Variants in MCC observed in about 807,000 individuals in gnomAD.
MCC encodes colorectal mutant cancer protein.
A neutral mutation model predicts 116.2 loss-of-function variants in MCC; 90 were observed. The observed-to-expected ratio is 0.77, with a 90% CI of 0.65 to 0.92. The LOEUF (loss-of-function observed/expected upper bound fraction) is 0.92, where lower values mean the gene tolerates loss of function less well. MCC is among the 40% of genes least tolerant of loss of function. The pLI, the probability that MCC is intolerant of heterozygous loss-of-function variation, is 0.00. For missense variants in MCC, 1,516 were observed against 1,312.2 expected, an observed-to-expected ratio of 1.16 and a Z score of -2.40; for synonymous variants, 578 against 510.5, an observed-to-expected ratio of 1.13 and a Z score of -1.78.
At chr5:113,237,561 T>A (rs1764179612) in intron 3 of MCC, among the ~76,000 whole-genome samples, 1 of 152,174 alleles carries the variant, frequency 6.6e-6, no homozygotes, top group Non-Finnish European at 1.5e-5. Context: ...CAAGAAGGGT[T>A]ACTTGCATTA....
At position 113,229,889 on chromosome 5, in the gene MCC, G is replaced by A. The variant is rs1331490366; in HGVS notation, c.628-78467C>T. 2.0e-5 allele frequency among the ~76,000 whole-genome samples: 3 copies of A among 152,202 alleles called. No individual in the cohort carries two copies. The South Asian group carries it at 6.2e-4, about 32-fold the overall frequency. ...AGTAGACTGTGCCGTCTAAATTTGT[G>A]TAAGGACACTATGAAGTTTGAACAA... On this transcript the variant is annotated intron_variant, in intron 3 of 18. Coordinates refer to ENST00000408903, the MANE Select transcript of MCC (RefSeq NM_001085377.2).
intron 8 of MCC, among the ~76,000 whole-genome samples, chr5:113,086,091 G>A (rs775143487): frequency 6.6e-6 from 1 of 152,170 alleles, no homozygotes; most frequent in Non-Finnish European, 1.5e-5. Context: ...ACCTCTCATG[G>A]AATCATCATT....
intron 17 of MCC, among the ~76,000 whole-genome samples, chr5:113,039,772 C>T (rs908972476): frequency 6.6e-6 from 1 of 151,178 alleles, no homozygotes; most frequent in Non-Finnish European, 1.5e-5. Flanking sequence ...CGGCTGCCTC[C>T]CAAGAATATG....
At chr5:113,473,912 C>T (rs1208093051) in intron 1 of MCC, among the ~76,000 whole-genome samples, 1 of 152,010 alleles carries the variant, frequency 6.6e-6, no homozygotes, top group African/African-American at 2.4e-5. Flanking sequence ...GTATTTCAGG[C>T]CTGAAAAGCT....
chr5:113,067,483 C>T (rs929126041), intron 13 of MCC, among the ~76,000 whole-genome samples: 1 of 152,114 alleles, frequency 6.6e-6, no homozygotes, highest in African/African-American at 2.4e-5. Context: ...ACTAAAAATA[C>T]AAAATTAGCC....
At chr5:113,402,166 C>T (rs1338035878) in intron 1 of MCC, among the ~76,000 whole-genome samples, 3 of 151,864 alleles carry the variant, frequency 2.0e-5, no homozygotes, top group Non-Finnish European at 4.4e-5. Flanking sequence ...TAGTGGCAGG[C>T]GCCTGTAGTC....
chr5:113,306,081 T>C (rs947694852), intron 3 of MCC, among the ~76,000 whole-genome samples: 8 of 152,244 alleles, frequency 5.3e-5, no homozygotes, highest in Non-Finnish European at 8.8e-5. Flanking sequence ...TATGTATTAA[T>C]GGTTCATTCC....
intron 3 of MCC, chr5:113,294,899 C>T (rs1766662565): frequency 1.0e-6 from 1 of 985,548 alleles, no homozygotes; most frequent in Non-Finnish European, 1.2e-6. Context: ...CGGAGCTGCA[C>T]TTCACGCCGA....
chr5:113,162,572 C>G (rs1029223292), intron 3 of MCC, among the ~76,000 whole-genome samples: 1 of 152,122 alleles, frequency 6.6e-6, no homozygotes, highest in African/African-American at 2.4e-5. Context: ...ACACAACTCA[C>G]TGCAGCCTCG....
At chr5:113,218,657 T>G (rs1008169082) in intron 3 of MCC, among the ~76,000 whole-genome samples, 1 of 152,196 alleles carries the variant, frequency 6.6e-6, no homozygotes, top group African/African-American at 2.4e-5. Context: ...CTCAGAGCTG[T>G]TTTTTCACAT....
At chr5:113,096,552 G>C (rs547763371) in intron 8 of MCC, among the ~76,000 whole-genome samples, 2 of 152,260 alleles carry the variant, frequency 1.3e-5, no homozygotes, top group South Asian at 4.1e-4. Flanking sequence ...TCAGAAACTT[G>C]TACTGTTGAA....
intron 3 of MCC, among the ~76,000 whole-genome samples, chr5:113,252,074 A>C (rs1331156424): frequency 6.6e-6 from 1 of 151,974 alleles, no homozygotes; most frequent in East Asian, 1.9e-4. Flanking sequence ...TTTCACCACA[A>C]CCCTATTCCT....
intron 3 of MCC, among the ~76,000 whole-genome samples, chr5:113,156,953 CT>C (rs1293054272): frequency 6.6e-6 from 1 of 152,192 alleles, no homozygotes; most frequent in African/African-American, 2.4e-5. Flanking sequence ...TCCAGCCCCC[CT>C]GAGCCCAGGT....
At chr5:113,161,130 G>A (rs975256174) in intron 3 of MCC, among the ~76,000 whole-genome samples, 8 of 152,050 alleles carry the variant, frequency 5.3e-5, no homozygotes, top group African/African-American at 1.4e-4. Flanking sequence ...CAAGGGAAAC[G>A]AAAATTATGT....
chr5:113,201,669 G>C (rs1762686860), intron 3 of MCC, among the ~76,000 whole-genome samples: 1 of 152,158 alleles, frequency 6.6e-6, no homozygotes, highest in African/African-American at 2.4e-5. Context: ...TAGATTTTAT[G>C]TCAAGCCTTG....
chr5:113,053,687 G>A, intron 15 of MCC, 38 bp downstream of exon 15: 2 of 1,473,142 alleles, frequency 1.4e-6, no homozygotes, highest in Non-Finnish European at 1.9e-6. Flanking sequence ...ATTTCCTCCT[G>A]GTGGCAGCCT....
chr5:113,097,369 A>G (rs535395898), intron 8 of MCC, among the ~76,000 whole-genome samples: 16 of 152,338 alleles, frequency 1.1e-4, no homozygotes, highest in African/African-American at 3.8e-4. Context: ...GAATACATTC[A>G]TTAAAAACAT....
chr5:113,104,506 C>T, intron 6 of MCC, 151 bp from the exon 7 acceptor site: 3 of 553,374 alleles, frequency 5.4e-6, no homozygotes, highest in Non-Finnish European at 9.2e-6. Flanking sequence ...CAGGCACTGC[C>T]TCTGAGACTT....
rs188511824 is a variant in MCC at position 113,136,420 on chromosome 5, C to T, written c.884+6798G>A. ...CATCTTCTGATAAGATTCATACATG[C>T]ATTGATATTCCTATAGGTAGAATTA... is the stretch of plus-strand genomic sequence containing the variant. On this transcript the variant is annotated intron_variant, in intron 5 of 18. Transcript: ENST00000408903. Among the ~76,000 whole-genome samples the T allele has an allele frequency of 3.9e-5, 6 of 152,308 alleles. No homozygotes were observed. The East Asian group carries it at 1.2e-3, about 29-fold the overall frequency.
Sources: allele counts gnomAD v4.1 joint callset (sites outside exome capture counted in the v4.1 genomes callset), GRCh38; gene constraint gnomAD v4.1.1; transcripts MANE v1.5; gene names NCBI Gene and HGNC (gene_info 2026-07-23, HGNC 2026-07-21).